KIF23: variants seen among roughly 807,000 people sequenced by gnomAD.
KIF23 encodes the protein kinesin family member 23.
In KIF23, 30 loss-of-function variants were observed where a neutral mutation model predicts 137.5. That is an observed-to-expected ratio of 0.22 (90% CI 0.16 to 0.30). The LOEUF (loss-of-function observed/expected upper bound fraction) is 0.30. KIF23 is among the 10% of genes least tolerant of loss of function. KIF23 has a pLI of 1.00. For synonymous variants in KIF23, 367 were observed against 391.1 expected (o/e 0.94, Z 0.73); for missense variants, 920 against 1,194.3 (o/e 0.77, Z 3.38).
At position 69,434,938 on chromosome 15, in the gene KIF23, C is replaced by T. The variant is rs1596007152; in HGVS notation, c.1115-545C>T. The T allele has an allele frequency of 1.8e-5, 12 of 674,696 alleles. No individual in the cohort carries two copies. In the East Asian group the frequency reaches 2.1e-4, roughly 12 times the overall value. 41.8% of individuals were successfully genotyped at this position (674,696 alleles called of 1,614,324 possible). A position where few individuals can be genotyped will look rare whatever the true frequency, so the allele number is the denominator to read the frequency against. ...TCGTGGTGCAGGTTGCAGCTGTACGCGGGCATGAGGATGGGCGAGCCCTCA... is the reference window on the plus strand; with the variant it reads ...TCGTGGTGCAGGTTGCAGCTGTACGTGGGCATGAGGATGGGCGAGCCCTCA... On this transcript the variant is annotated intron_variant, in intron 11 of 23. Coordinates refer to ENST00000679126, the MANE Select transcript of KIF23 (RefSeq NM_001367805.3).
intron 19 of KIF23, among the ~76,000 whole-genome samples, chr15:69,441,665 C>T (rs1252372336): frequency 6.7e-6 from 1 of 149,858 alleles, no homozygotes; most frequent in Non-Finnish European, 1.5e-5. Flanking sequence ...AGAATAAGGA[C>T]ATTGTACTAC....
chr15:69,426,755 A>G (rs2057203595), intron 10 of KIF23: 2 of 291,626 alleles, frequency 6.9e-6, no homozygotes, highest in East Asian at 7.4e-5. Flanking sequence ...TTTTATTGCA[A>G]TGAAGATTGC....
intron 16 of KIF23, 145 bp downstream of exon 16, chr15:69,438,550 C>G (rs2057537424): frequency 1.5e-6 from 1 of 646,244 alleles, no homozygotes; most frequent in African/African-American, 1.9e-5. Context: ...GTAATTCCAA[C>G]ACTTTGGGAG....
intron 17 of KIF23, 32 bp from the exon 18 acceptor site, chr15:69,440,276 T>C (rs757642145): frequency 6.3e-7 from 1 of 1,586,654 alleles, no homozygotes; most frequent in Non-Finnish European, 8.6e-7. Context: ...TGTGATGGAA[T>C]GATAATATAC....
intron 7 of KIF23, among the ~76,000 whole-genome samples, chr15:69,423,669 A>G (rs2057117891): frequency 6.6e-6 from 1 of 152,212 alleles, no homozygotes; most frequent in African/African-American, 2.4e-5. Context: ...CTGAGACAGT[A>G]AAAGGAGTTT....
intron 2 of KIF23, among the ~76,000 whole-genome samples, chr15:69,416,880 A>T (rs2056925525): frequency 6.6e-6 from 1 of 152,114 alleles, no homozygotes; most frequent in Non-Finnish European, 1.5e-5. Context: ...GCTTGAACCC[A>T]GGAGGTTGCA....
chr15:69,443,446 G>A (rs957804128), intron 19 of KIF23, among the ~76,000 whole-genome samples: 1 of 135,352 alleles, frequency 7.4e-6, no homozygotes, highest in Middle Eastern at 4.8e-3. Flanking sequence ...TCAAGTGATC[G>A]TTCTACCTCA....
Position 69,429,227 on chromosome 15 carries a change from G to A in KIF23, c.1114+14G>A, listed in dbSNP as rs1180141967. The A allele has an allele frequency of 1.9e-6, 3 of 1,568,126 alleles. No individual in the cohort carries two copies. Among genetic ancestry groups the A allele is most frequent in the South Asian group, 2.3e-5 (2 of 87,036 alleles). On this transcript the variant is annotated intron_variant, in intron 11 of 23. Transcript: ENST00000679126. ...TACGTGAAGCTGGTGAGTAAAGCAT[G>A]GTATTTATTTATTGCTACAACTTTC...
Position 69,435,549 on chromosome 15 carries a change from A to G in KIF23, c.1181A>G (p.Tyr394Cys). ...GATGTCCTAAGAGAGAACCAAATGT[A>G]TGGAACTAACAAGGTAAGCAGCAGC... is the stretch of plus-strand genomic sequence containing the variant. ...CMDVLRENQM[Y>C]GTNKMVPYRD... The change falls in exon 12 of 24, where the codon TAT (tyrosine) becomes TGT (cysteine). Residue 394 changes from tyrosine (Y) to cysteine (C), a missense_variant. Physicochemically the swap from Tyr to Cys is radical, Grantham distance 194. Around this residue, in one of 4 missense-constraint regions of KIF23, gnomAD observed 714 missense variants for 866.2 expected, o/e 0.82. Transcript: ENST00000679126. The G allele has an allele frequency of 1.2e-6, 2 of 1,614,098 alleles. No homozygotes were observed. Among genetic ancestry groups the G allele is most frequent in the East Asian group, 2.2e-5 (1 of 44,868 alleles).
At chr15:69,423,027 G>A (rs1441874450) in intron 6 of KIF23, 132 bp from the exon 7 acceptor site, 1 of 619,852 alleles carries the variant, frequency 1.6e-6, no homozygotes, top group Non-Finnish European at 2.8e-6. Context: ...TTGAGTTCCT[G>A]ATCTCAGGTG....
intron 7 of KIF23, among the ~76,000 whole-genome samples, chr15:69,424,832 T>C (rs1261746182): frequency 3.3e-5 from 5 of 152,242 alleles, no homozygotes. Flanking sequence ...TATATCAAAC[T>C]AATTACTTTC....
intron 6 of KIF23, chr15:69,422,923 C>T (rs192281496): frequency 6.8e-5 from 25 of 365,660 alleles, no homozygotes; most frequent in Non-Finnish European, 9.8e-5. Context: ...GCCTCAGCCC[C>T]CCTAGTAGCT....
At chr15:69,436,294 A>G in intron 14 of KIF23, 33 bp downstream of exon 14, 2 of 1,598,048 alleles carry the variant, frequency 1.3e-6, no homozygotes, top group East Asian at 2.2e-5. Flanking sequence ...TTGTCCACTC[A>G]TTGGTCTGTC....
chr15:69,436,368 A>G, intron 14 of KIF23, 107 bp downstream of exon 14: 1 of 1,386,320 alleles, frequency 7.2e-7, no homozygotes. Flanking sequence ...CCTTCTGAAG[A>G]ACCAAGCACA....
At chr15:69,446,476 A>G (rs1408814950) in intron 22 of KIF23, 112 bp downstream of exon 22, 1 of 789,440 alleles carries the variant, frequency 1.3e-6, no homozygotes, top group Non-Finnish European at 2.1e-6. Context: ...ATAATCTCAC[A>G]TTGCCAGTGC....
At chr15:69,435,164 C>T (rs1596007764) in intron 11 of KIF23, 1 of 460,450 alleles carries the variant, frequency 2.2e-6, no homozygotes. Context: ...GGATATTAAA[C>T]ATCTCTATAT....
In KIF23 at chr15:69,422,387, A is replaced by G. The variant is rs1358982384; in HGVS notation, c.515A>G (p.Glu172Gly). ...CAGTGTGAGGTTGATGCCTTATTAGAACGTCAGAAAAGAGAAGCTATGCCC... is the reference window on the plus strand; with the variant it reads ...CAGTGTGAGGTTGATGCCTTATTAGGACGTCAGAAAAGAGAAGCTATGCCC... ...DIQCEVDALLERQKREAMPNP... is the reference protein window; with the variant it reads ...DIQCEVDALLGRQKREAMPNP... Residue 172 changes from glutamate to glycine, a missense_variant, in exon 6 of 24, where the codon GAA (glutamate) becomes GGA (glycine). This residue lies in a region of KIF23 where 714 missense variants were observed against 866.2 expected (regional missense o/e 0.82). Transcript: ENST00000679126. 2.5e-6 allele frequency: 4 copies of G among 1,611,256 alleles called. No individual in the cohort carries two copies. The highest frequency in any genetic ancestry group is 1.1e-5 in the South Asian group (1 of 91,024).
intron 7 of KIF23, among the ~76,000 whole-genome samples, chr15:69,424,896 T>C (rs986519949): frequency 2.0e-5 from 3 of 152,238 alleles, no homozygotes; most frequent in South Asian, 2.1e-4. Flanking sequence ...TATACCCATT[T>C]TCATGTATGC....
chr15:69,426,327 T>C lies in KIF23; in HGVS notation c.890-9T>C, dbSNP rs1158874137. On this transcript the variant is annotated splice_polypyrimidine_tract_variant and intron_variant, in intron 9 of 23. Transcript: ENST00000679126. Reference sequence around the variant, plus strand: ...TCAGGTTTGACCAATGATTTCTCTGTTGTCCTAGGCCAGAAAAAGAGACGT... The same window carrying C: ...TCAGGTTTGACCAATGATTTCTCTGCTGTCCTAGGCCAGAAAAAGAGACGT... 6.8e-6 allele frequency: 11 copies of C among 1,613,804 alleles called. No individual in the cohort carries two copies. The highest frequency in any genetic ancestry group is 1.3e-5 in the African/African-American group (1 of 75,060).
Sources: allele counts gnomAD v4.1 joint callset (sites outside exome capture counted in the v4.1 genomes callset), GRCh38; gene constraint gnomAD v4.1.1; regional missense constraint gnomAD v4.1.1; transcripts MANE v1.5; gene names NCBI Gene and HGNC (gene_info 2026-07-23, HGNC 2026-07-21).